Variants in FBXW7 observed in about 807,000 individuals in gnomAD.
FBXW7 encodes F-box and WD repeat domain containing 7.
In FBXW7, 11 loss-of-function variants were observed where a neutral mutation model predicts 86.3. The ratio of observed to expected loss-of-function variants is 0.13; its 90% CI spans 0.08 to 0.21. FBXW7 has a LOEUF of 0.21. Among genes scored for constraint, FBXW7 ranks in the 10% least tolerant of loss-of-function variants. The pLI is 1.00. For synonymous variants in FBXW7, 313 were observed against 297.9 expected, an observed-to-expected ratio of 1.05 and a Z score of -0.52; for missense variants, 488 against 847.4, an observed-to-expected ratio of 0.58 and a Z score of 5.27.
intron 6 of FBXW7, chr4:152,346,662 C>T: frequency 2.5e-6 from 1 of 393,188 alleles, no homozygotes; most frequent in Non-Finnish European, 4.6e-6. Context: ...TCTGTACCTA[C>T]TGGCAGTTAG....
intron 2 of FBXW7, among the ~76,000 whole-genome samples, chr4:152,460,180 A>T (rs1338490734): frequency 6.6e-6 from 1 of 152,210 alleles, no homozygotes; most frequent in African/African-American, 2.4e-5. Context: ...CCTATTATAC[A>T]TTACTAAAAT....
At chr4:152,390,718 C>T (rs1215403990) in intron 4 of FBXW7, among the ~76,000 whole-genome samples, 1 of 151,990 alleles carries the variant, frequency 6.6e-6, no homozygotes, top group Non-Finnish European at 1.5e-5. Flanking sequence ...TTAAACATTA[C>T]TTACCAATAA....
chr4:152,332,444 A>G (rs1361885295), intron 8 of FBXW7, 152 bp downstream of exon 8: 2 of 578,804 alleles, frequency 3.5e-6, no homozygotes, highest in East Asian at 9.4e-5. Flanking sequence ...TAAAGGGGTT[A>G]GCTGTTAAGA....
At chr4:152,425,349 A>C (rs1396263418) in intron 2 of FBXW7, among the ~76,000 whole-genome samples, 4 of 152,084 alleles carry the variant, frequency 2.6e-5, no homozygotes, top group Non-Finnish European at 5.9e-5. Context: ...CAAACATCTC[A>C]CATATCCTAA....
At chr4:152,369,221 T>G (rs908792506) in intron 4 of FBXW7, among the ~76,000 whole-genome samples, 1 of 152,128 alleles carries the variant, frequency 6.6e-6, no homozygotes, top group Non-Finnish European at 1.5e-5. Context: ...TACATAACCA[T>G]GCTTTCCATG....
Position 152,326,308 on chromosome 4 carries a change from T to C in FBXW7, c.1419-77A>G, listed in dbSNP as rs573615137. 5.9e-5 allele frequency: 67 copies of C among 1,136,506 alleles called. No individual in the cohort carries two copies. In the South Asian group the frequency reaches 9.1e-4, roughly 15 times the overall value. The allele number at this position is 1,136,506 out of a possible 1,614,324, so 70.4% of individuals were successfully genotyped here. On this transcript the variant is annotated intron_variant, in intron 11 of 13. Coordinates refer to ENST00000281708, the MANE Select transcript of FBXW7 (RefSeq NM_001349798.2). Reference sequence around the variant, plus strand: ...GAATTTTTAATAATATGAGAAAACATGGTAGATTTAGTCAAGGTTTTTTAG... The same window carrying C: ...GAATTTTTAATAATATGAGAAAACACGGTAGATTTAGTCAAGGTTTTTTAG...
chr4:152,474,020 G>C (rs187453561), intron 2 of FBXW7, among the ~76,000 whole-genome samples: 18 of 152,260 alleles, frequency 1.2e-4, no homozygotes, highest in Admixed American at 1.0e-3. Context: ...ATACTAGACA[G>C]ACTAGGAATA....
intron 4 of FBXW7, chr4:152,352,776 G>A (rs377312846): frequency 1.8e-4 from 290 of 1,601,038 alleles, no homozygotes; most frequent in Non-Finnish European, 2.3e-4. Context: ...AATAATGAGA[G>A]AGAACGGAGA....
At chr4:152,356,509 T>A (rs1490305629) in intron 4 of FBXW7, among the ~76,000 whole-genome samples, 3 of 152,196 alleles carry the variant, frequency 2.0e-5, no homozygotes, top group African/African-American at 7.2e-5. Flanking sequence ...ATTATTATCA[T>A]GACAACACTT....
chr4:152,379,189 A>AATT (rs1481089103), intron 4 of FBXW7, among the ~76,000 whole-genome samples: 53 of 152,280 alleles, frequency 3.5e-4, no homozygotes, highest in South Asian at 4.1e-4. Context: ...TAAGAAATAT[A>AATT]ACATTACCAT....
At chr4:152,534,660 C>T (rs898974826) in intron 2 of FBXW7, among the ~76,000 whole-genome samples, 3 of 152,158 alleles carry the variant, frequency 2.0e-5, no homozygotes, top group Non-Finnish European at 4.4e-5. Context: ...CTCTGGCTTC[C>T]TCAATTTCCC....
chr4:152,391,889 C>G (rs1466149006), intron 4 of FBXW7, among the ~76,000 whole-genome samples: 2 of 152,096 alleles, frequency 1.3e-5, no homozygotes, highest in Non-Finnish European at 2.9e-5. Context: ...AATGTTACAT[C>G]CTAACTTAGT....
intron 4 of FBXW7, among the ~76,000 whole-genome samples, chr4:152,383,521 A>G (rs1735271777): frequency 6.6e-6 from 1 of 152,140 alleles, no homozygotes. Flanking sequence ...AATGATTGTG[A>G]ACTATCCATT....
chr4:152,521,035 TATTTAAA>T (rs1748964692), intron 2 of FBXW7, among the ~76,000 whole-genome samples: 1 of 151,986 alleles, frequency 6.6e-6, no homozygotes, highest in Admixed American at 6.6e-5. Context: ...CCATAGAACT[TATTTAAA>T]AGCTTTCCAG....
intron 4 of FBXW7, among the ~76,000 whole-genome samples, chr4:152,383,331 C>A (rs1044629318): frequency 1.3e-5 from 2 of 152,064 alleles, no homozygotes; most frequent in Admixed American, 1.3e-4. Context: ...GCCGTTTACT[C>A]CTCAAGAACC....
intron 2 of FBXW7, among the ~76,000 whole-genome samples, chr4:152,417,311 T>A (rs1738526690): frequency 1.3e-5 from 2 of 152,172 alleles, no homozygotes; most frequent in Non-Finnish European, 2.9e-5. Flanking sequence ...TATTATTTTC[T>A]CTATTTCAGT....
In FBXW7 at chr4:152,536,026, G is replaced by C. The variant is rs1750537616; in HGVS notation, c.-1112C>G. 4.6e-6 allele frequency: 1 copy of C among 219,622 alleles called. No individual in the cohort carries two copies. The highest frequency in any genetic ancestry group is 8.9e-6 in the Non-Finnish European group (1 of 112,410). The allele number at this position is 219,622 out of a possible 1,614,324, so 13.6% of individuals were successfully genotyped here. On this transcript the variant is annotated 5_prime_UTR_variant, in exon 1 of 14. Transcript: ENST00000281708. ...GGCGGCGGCGGCGGCAGCGGCAGCG[G>C]CAGCGCCCGGAGCTCAGCTCGCTGT... is the stretch of plus-strand genomic sequence containing the variant.
At chr4:152,433,580 AAT>A (rs1481791879) in intron 2 of FBXW7, among the ~76,000 whole-genome samples, 4 of 152,194 alleles carry the variant, frequency 2.6e-5, no homozygotes, top group African/African-American at 9.7e-5. Context: ...TAAATAAATC[AAT>A]GACTCCTGTG....
chr4:152,329,300 T>C (rs1251825071), intron 10 of FBXW7, among the ~76,000 whole-genome samples: 1 of 151,900 alleles, frequency 6.6e-6, no homozygotes, highest in African/African-American at 2.4e-5. Flanking sequence ...GAAAAATAAA[T>C]ATCCCTCAAC....
Sources: allele counts gnomAD v4.1 joint callset (sites outside exome capture counted in the v4.1 genomes callset), GRCh38; gene constraint gnomAD v4.1.1; transcripts MANE v1.5; gene names NCBI Gene and HGNC (gene_info 2026-07-23, HGNC 2026-07-21).